SCFD2: variants seen among roughly 807,000 people sequenced by gnomAD.
The protein encoded by SCFD2 is sec1 family domain containing 2.
A neutral mutation model predicts 58.9 loss-of-function variants in SCFD2; 54 were observed. The observed-to-expected ratio is 0.92, with a 90% confidence interval of 0.74 to 1.15. The LOEUF (loss-of-function observed/expected upper bound fraction) is 1.15. Among genes scored for constraint, SCFD2 ranks in the 50% most tolerant of loss-of-function variants. The pLI, the probability that SCFD2 is intolerant of heterozygous loss-of-function variation, is 0.00. For synonymous variants in SCFD2, 321 were observed against 335.9 expected, an observed-to-expected ratio of 0.96 and a Z score of 0.49; for missense variants, 805 against 836.6, an observed-to-expected ratio of 0.96 and a Z score of 0.47.
intron 5 of SCFD2, among the ~76,000 whole-genome samples, chr4:52,967,857 C>A (rs1365580845): frequency 6.6e-6 from 1 of 152,168 alleles, no homozygotes; most frequent in Admixed American, 6.5e-5. Flanking sequence ...CTGTCTCTTC[C>A]TTTTTCCCCT....
intron 4 of SCFD2, among the ~76,000 whole-genome samples, chr4:53,237,283 C>A (rs1729657870): frequency 6.6e-6 from 1 of 150,672 alleles, no homozygotes; most frequent in Admixed American, 6.6e-5. Flanking sequence ...CAATCTTTTC[C>A]CCACCTTTCC....
chr4:52,940,381 T>C (rs1028645972), intron 5 of SCFD2, among the ~76,000 whole-genome samples: 1 of 152,130 alleles, frequency 6.6e-6, no homozygotes, highest in African/African-American at 2.4e-5. Flanking sequence ...AATAAATGGC[T>C]CTCCTGAGTG....
At chr4:53,341,564 C>A (rs1733876011) in intron 2 of SCFD2, among the ~76,000 whole-genome samples, 1 of 152,184 alleles carries the variant, frequency 6.6e-6, no homozygotes, top group Admixed American at 6.5e-5. Flanking sequence ...CTTCCCCAAC[C>A]TAGCAAGGCA....
chr4:53,350,372 C>T (rs1734180188), intron 2 of SCFD2, among the ~76,000 whole-genome samples: 1 of 152,178 alleles, frequency 6.6e-6, no homozygotes, highest in Non-Finnish European at 1.5e-5. Flanking sequence ...AGTTAAAATT[C>T]AGTCTCTCTA....
intron 5 of SCFD2, among the ~76,000 whole-genome samples, chr4:52,981,526 A>T (rs1264771088): frequency 6.6e-6 from 1 of 152,182 alleles, no homozygotes; most frequent in Non-Finnish European, 1.5e-5. Flanking sequence ...GAGGGTTATT[A>T]GAAGATAAAT....
intron 5 of SCFD2, among the ~76,000 whole-genome samples, chr4:53,002,315 A>G (rs1721880783): frequency 6.6e-6 from 1 of 152,180 alleles, no homozygotes; most frequent in Non-Finnish European, 1.5e-5. Context: ...AGGTGAGGAT[A>G]TGTCAGAGAA....
intron 5 of SCFD2, among the ~76,000 whole-genome samples, chr4:53,043,279 A>G (rs1722944180): frequency 6.6e-6 from 1 of 152,176 alleles, no homozygotes; most frequent in South Asian, 2.1e-4. Flanking sequence ...AAGAAAAGGG[A>G]TGGCATTGAG....
At chr4:53,250,584 AG>A (rs1175161592) in intron 4 of SCFD2, among the ~76,000 whole-genome samples, 1 of 152,266 alleles carries the variant, frequency 6.6e-6, no homozygotes, top group Non-Finnish European at 1.5e-5. Flanking sequence ...CTCAGGATTA[AG>A]AAACTCACTC....
intron 5 of SCFD2, among the ~76,000 whole-genome samples, chr4:52,926,594 G>A (rs1426948580): frequency 1.3e-5 from 2 of 152,004 alleles, no homozygotes; most frequent in Admixed American, 6.5e-5. Context: ...GAAAAGCTAG[G>A]GTCAAAAAAT....
At chr4:53,058,543 GCCAATC>G (rs1723415952) in intron 5 of SCFD2, among the ~76,000 whole-genome samples, 1 of 152,040 alleles carries the variant, frequency 6.6e-6, no homozygotes, top group Admixed American at 6.6e-5. Context: ...TATTTTCTAG[GCCAATC>G]CCTGTGCACT....
intron 5 of SCFD2, among the ~76,000 whole-genome samples, chr4:53,097,676 C>T (rs1450363760): frequency 6.6e-6 from 1 of 152,208 alleles, no homozygotes; most frequent in Admixed American, 6.5e-5. Flanking sequence ...GACAATTTGA[C>T]TTCCTCTATT....
intron 4 of SCFD2, among the ~76,000 whole-genome samples, chr4:53,168,032 T>C (rs1302694534): frequency 6.6e-6 from 1 of 152,212 alleles, no homozygotes; most frequent in Non-Finnish European, 1.5e-5. Context: ...ACAGTAAATG[T>C]ACTTTTTAAT....
At chr4:53,068,541 C>T (rs543982393) in intron 5 of SCFD2, among the ~76,000 whole-genome samples, 10 of 151,980 alleles carry the variant, frequency 6.6e-5, no homozygotes, top group African/African-American at 2.2e-4. Context: ...ATACTTTTTC[C>T]TGTGTATATA....
chr4:53,239,391 G>GGAGAGT (rs1383782921), intron 4 of SCFD2, among the ~76,000 whole-genome samples: 3 of 85,658 alleles, frequency 3.5e-5, no homozygotes, highest in Admixed American at 2.3e-4. Flanking sequence ...GAGACCGTGG[G>GGAGAGT]GAGAGTGAGA....
chr4:53,246,301 A>C (rs980206865), intron 4 of SCFD2, among the ~76,000 whole-genome samples: 3 of 152,244 alleles, frequency 2.0e-5, no homozygotes, highest in Non-Finnish European at 4.4e-5. Flanking sequence ...TGCTATTTCT[A>C]TCAAAATAAC....
intron 7 of SCFD2, among the ~76,000 whole-genome samples, chr4:52,887,383 G>C (rs1484959571): frequency 6.6e-6 from 1 of 152,138 alleles, no homozygotes; most frequent in Non-Finnish European, 1.5e-5. Flanking sequence ...ACTAAAATGA[G>C]AATAACTCAA....
intron 3 of SCFD2, among the ~76,000 whole-genome samples, chr4:53,299,780 G>A (rs1248309745): frequency 2.0e-5 from 3 of 151,998 alleles, no homozygotes; most frequent in Non-Finnish European, 4.4e-5. Context: ...AGAAGAGAGT[G>A]GGTGCCAATA....
In SCFD2 at chr4:53,256,305, G is replaced by A. The variant is rs556024978; in HGVS notation, c.1311+17521C>T. Among the ~76,000 whole-genome samples, 30 of 144,980 alleles carry A rather than the reference G, an allele frequency of 2.1e-4. No homozygotes were observed. The South Asian group carries it at 5.0e-3, about 24-fold the overall frequency. ...CCAGATGGGGCGGCGGGGCAGAGGCGCTCCCCACATCTCAGACGATGGGCA... is the reference window on the plus strand; with the variant it reads ...CCAGATGGGGCGGCGGGGCAGAGGCACTCCCCACATCTCAGACGATGGGCA... On this transcript the variant is annotated intron_variant, in intron 4 of 8. Coordinates refer to ENST00000401642, the MANE Select transcript of SCFD2 (RefSeq NM_152540.4).
At chr4:53,067,962 T>C (rs1180017919) in intron 5 of SCFD2, among the ~76,000 whole-genome samples, 4 of 152,070 alleles carry the variant, frequency 2.6e-5, no homozygotes, top group African/African-American at 2.4e-5. Context: ...AAATCTATAA[T>C]ACCAGATACA....
Sources: allele counts gnomAD v4.1 joint callset (sites outside exome capture counted in the v4.1 genomes callset), GRCh38; gene constraint gnomAD v4.1.1; transcripts MANE v1.5; gene names NCBI Gene and HGNC (gene_info 2026-07-23, HGNC 2026-07-21).